HDHD5: variants seen among roughly 807,000 people sequenced by gnomAD.
The protein encoded by HDHD5 is haloacid dehalogenase-like hydrolase domain-containing 5.
HDHD5 carries 34 observed loss-of-function variants against 35.5 expected under a neutral mutation model. That is an observed-to-expected ratio of 0.96 (90% confidence interval 0.73 to 1.28). HDHD5 has a LOEUF of 1.28. Ranked by LOEUF, HDHD5 falls within the 50% of genes most tolerant of loss-of-function variation. HDHD5 has a pLI of 0.00. For synonymous variants in HDHD5, 248 were observed against 240.6 expected (o/e 1.03, Z -0.29); for missense variants, 589 against 560.2 (o/e 1.05, Z -0.52).
At position 17,138,726 on chromosome 22, in the gene HDHD5, G is replaced by C; in HGVS notation, c.759C>G (p.Gly253=). 2 of 1,614,190 alleles carry C rather than the reference G, an allele frequency of 1.2e-6. No homozygotes were observed. Among genetic ancestry groups the C allele is most frequent in the Non-Finnish European group, 1.7e-6 (2 of 1,180,038 alleles). ...TGGTTTCCAGGCACAGCAGAAAGGT[G>C]CCATGTCCAAACCTGCCAGAAACGA... is the stretch of plus-strand genomic sequence containing the variant. ...AEAKMPRFGH[G]TFLLCLETIY... The change falls in exon 7 of 8, where the codon GGC becomes GGG. Residue 253 remains glycine, a synonymous_variant. Transcript: ENST00000336737.
upstream of HDHD5, among the ~76,000 whole-genome samples, chr22:17,164,222 GAAAA>G (rs60212114): frequency 4.5e-5 from 5 of 111,950 alleles, no homozygotes; most frequent in South Asian, 3.0e-4. Flanking sequence ...CTCCATCTCA[GAAAA>G]AAAAAAAAAA....
At chr22:17,145,221 C>G in intron 3 of HDHD5, 104 bp from the exon 4 acceptor site, 1 of 1,539,890 alleles carries the variant, frequency 6.5e-7, no homozygotes, top group Non-Finnish European at 8.7e-7. Context: ...CCTGATCAAG[C>G]CAGGCAGGAG....
At chr22:17,142,968 G>T in intron 5 of HDHD5, 130 bp downstream of exon 5, 1 of 862,372 alleles carries the variant, frequency 1.2e-6, no homozygotes, top group Non-Finnish European at 1.8e-6. Flanking sequence ...CCAGACCAGA[G>T]CCCAGGTGTC....
intron 3 of HDHD5, 78 bp from the exon 4 acceptor site, chr22:17,145,195 G>C: frequency 1.3e-6 from 2 of 1,584,454 alleles, no homozygotes; most frequent in East Asian, 4.6e-5. Flanking sequence ...CACAAGTGAA[G>C]GGAACACAAC....
intron 3 of HDHD5, among the ~76,000 whole-genome samples, chr22:17,146,201 A>G (rs868416975): frequency 8.5e-5 from 13 of 152,060 alleles, no homozygotes; most frequent in South Asian, 2.1e-4. Flanking sequence ...TCCCCTGCTT[A>G]GGAGCTTAGC....
chr22:17,149,171 T>C (rs1568946016), intron 2 of HDHD5, among the ~76,000 whole-genome samples: 1 of 152,198 alleles, frequency 6.6e-6, no homozygotes, highest in Non-Finnish European at 1.5e-5. Flanking sequence ...GCATCAAAGT[T>C]GGGATATGGT....
rs2061691037 is a variant in HDHD5 at position 17,148,521 on chromosome 22, T to C, written c.370A>G (p.Lys124Glu). 1.2e-6 allele frequency: 2 copies of C among 1,614,008 alleles called. No homozygotes were observed. Among genetic ancestry groups the C allele is most frequent in the Non-Finnish European group, 1.7e-6 (2 of 1,180,030 alleles). The part of the protein sequence containing the change: ...DQVILSHSPM[K>E]LFSEYHEKRM... ...TTCTCATGGTACTCGGAGAAGAGCT[T>C]CATGGGGCTGTGAGAGAGGATAACT... The change falls in exon 3 of 8, where the codon AAG (lysine) becomes GAG (glutamate). Residue 124 changes from lysine (K) to glutamate (E), a missense_variant. Physicochemically the swap from Lys to Glu is moderately conservative, Grantham distance 56. Coordinates refer to ENST00000336737, the MANE Select transcript of HDHD5 (RefSeq NM_033070.3).
intron 3 of HDHD5, among the ~76,000 whole-genome samples, chr22:17,145,899 T>C (rs2061657083): frequency 1.3e-5 from 2 of 152,064 alleles, no homozygotes; most frequent in African/African-American, 2.4e-5. Flanking sequence ...GAGGCGGCCT[T>C]GGGGAGGGGC....
At chr22:17,156,467 C>A (rs951968127) in intron 1 of HDHD5, among the ~76,000 whole-genome samples, 24 of 151,036 alleles carry the variant, frequency 1.6e-4, no homozygotes, top group African/African-American at 5.4e-4. Flanking sequence ...AAAAAATTAG[C>A]CGGGCGTGGT....
intron 1 of HDHD5, among the ~76,000 whole-genome samples, chr22:17,165,022 ATC>A (rs1019404593): frequency 6.6e-6 from 1 of 152,054 alleles, no homozygotes; most frequent in Admixed American, 6.5e-5. Flanking sequence ...CTCTCTTTCT[ATC>A]TCTCTCCATC....
chr22:17,164,406 T>TAGATAAG (rs2061880367), intron 1 of HDHD5, among the ~76,000 whole-genome samples: 1 of 152,170 alleles, frequency 6.6e-6, no homozygotes. Context: ...AGCAGTGGCT[T>TAGATAAG]AGATAAGAAA....
chr22:17,149,571 G>C lies in HDHD5; in HGVS notation c.301C>G (p.Gln101Glu), dbSNP rs756043243. ...AGNILQHSKA[Q>E]ELSALLGCEV... ...CACCCCAGCAGGGCTGACAGCTCCT[G>C]GGCTTTGCTGTGTTGTAAGATGTTC... Residue 101 changes from glutamine to glutamate, a missense_variant, in exon 2 of 8, where the codon CAG becomes GAG. Gln to Glu is a conservative substitution (Grantham distance 29). Transcript: ENST00000336737. The C allele has an allele frequency of 1.2e-5, 20 of 1,612,516 alleles. No homozygotes were observed. Among genetic ancestry groups the C allele is most frequent in the Admixed American group, 1.7e-5 (1 of 60,008 alleles).
intron 3 of HDHD5, 157 bp from the exon 4 acceptor site, chr22:17,145,274 G>A (rs2061648845): frequency 2.4e-6 from 2 of 824,332 alleles, no homozygotes; most frequent in Non-Finnish European, 2.9e-6. Flanking sequence ...AATCCTGCAG[G>A]TGCTGGCAGG....
chr22:17,141,646 G>A, intron 5 of HDHD5: 1 of 1,026,692 alleles, frequency 9.7e-7, no homozygotes, highest in Non-Finnish European at 1.2e-6. Flanking sequence ...CAGGACAGGG[G>A]GTGTGGAGTG....
intron 3 of HDHD5, among the ~76,000 whole-genome samples, chr22:17,147,416 G>A (rs1449683430): frequency 8.3e-6 from 1 of 120,616 alleles, no homozygotes; most frequent in Non-Finnish European, 1.7e-5. Context: ...CCACACCTGC[G>A]ACGCCCTCCT....
At chr22:17,161,311 C>T (rs2061862580), upstream of HDHD5, among the ~76,000 whole-genome samples, 1 of 151,194 alleles carries the variant, frequency 6.6e-6, no homozygotes, top group Non-Finnish European at 1.5e-5. Context: ...GTAATCCCAG[C>T]ACTTTGGGAG....
At chr22:17,163,433 G>T (rs898914618), upstream of HDHD5, among the ~76,000 whole-genome samples, 9 of 152,176 alleles carry the variant, frequency 5.9e-5, no homozygotes, top group African/African-American at 2.2e-4. Flanking sequence ...TGCTCATGCT[G>T]CTGACCCACT....
rs1157399481 is a variant in HDHD5, at chr22:17,141,189, G to C, written c.616C>G (p.Gln206Glu). Residue 206 changes from glutamine (Q) to glutamate (E), a missense_variant, in exon 6 of 8, where the codon CAG becomes GAG. By Grantham distance (29) the Gln-to-Glu change is conservative. Transcript: ENST00000336737. Reference sequence around the variant, plus strand: ...CTGAGGAGGACATCCATGATCAGCTGCAGGCTGGTCTCCCAGCGGACCGGC... The same window carrying C: ...CTGAGGAGGACATCCATGATCAGCTCCAGGCTGGTCTCCCAGCGGACCGGC... Reference protein sequence around the residue: ...GEPVRWETSLQLIMDVLLSNG... With the variant: ...GEPVRWETSLELIMDVLLSNG... 6.3e-7 allele frequency: 1 copy of C among 1,598,358 alleles called. No individual in the cohort carries two copies. Among genetic ancestry groups the C allele is most frequent in the Non-Finnish European group, 8.5e-7 (1 of 1,173,084 alleles).
At chr22:17,159,509 G>GGGCGGCGGC (rs148919630), upstream of HDHD5, 46 of 463,032 alleles carry the variant, frequency 9.9e-5, no homozygotes, top group African/African-American at 8.7e-4. Flanking sequence ...GGCACGGCCT[G>GGGCGGCGGC]GGCGGCGGCG....
Sources: allele counts gnomAD v4.1 joint callset (sites outside exome capture counted in the v4.1 genomes callset), GRCh38; gene constraint gnomAD v4.1.1; transcripts MANE v1.5; gene names NCBI Gene and HGNC (gene_info 2026-07-23, HGNC 2026-07-21).